Variants in TTC28 observed in about 807,000 individuals in gnomAD.
TTC28 encodes tetratricopeptide repeat protein 28.
TTC28 carries 61 observed loss-of-function variants against 198.0 expected under a neutral mutation model. That is an observed-to-expected ratio of 0.31 (90% confidence interval 0.25 to 0.38). TTC28 has a LOEUF of 0.38. Ranked by LOEUF, TTC28 falls within the 10% of genes least tolerant of loss-of-function variation. The pLI, the probability that TTC28 is intolerant of heterozygous loss-of-function variation, is 1.00. For missense variants in TTC28, 2,678 were observed against 3,164.0 expected, an observed-to-expected ratio of 0.85 and a Z score of 3.69; for synonymous variants, 1,171 against 1,297.8, an observed-to-expected ratio of 0.90 and a Z score of 2.10.
In TTC28 at chr22:28,108,028, G is replaced by A; in HGVS notation, c.1817C>T (p.Ser606Phe). The A allele has an allele frequency of 1.3e-6, 2 of 1,551,618 alleles. No individual in the cohort carries two copies. Among genetic ancestry groups the A allele is most frequent in the Non-Finnish European group, 1.7e-6 (2 of 1,146,986 alleles). ...GGCAGCCTGGACATACTCTCCCCGA[G>A]AGCAGTGGAAATTGCCCAGGTTGCT... ...ALSNLGNFHC[S>F]RGEYVQAAPY... The change falls in exon 7 of 23, where the codon TCT (serine) becomes TTT (phenylalanine). Residue 606 changes from serine (S) to phenylalanine (F), a missense_variant. Ser to Phe is a radical substitution (Grantham distance 155). This residue lies in a region of TTC28 where 775 missense variants were observed against 845.9 expected (regional missense o/e 0.92). Coordinates refer to ENST00000397906, the MANE Select transcript of TTC28 (RefSeq NM_001145418.2).
At chr22:28,401,786 A>T (rs533656799) in intron 2 of TTC28, among the ~76,000 whole-genome samples, 10 of 152,324 alleles carry the variant, frequency 6.6e-5, no homozygotes, top group Non-Finnish European at 1.5e-4. Flanking sequence ...AAAAATTTTT[A>T]AATAGAAAAA....
At chr22:28,561,601 C>T (rs2049882268) in intron 2 of TTC28, among the ~76,000 whole-genome samples, 1 of 152,146 alleles carries the variant, frequency 6.6e-6, no homozygotes, top group Non-Finnish European at 1.5e-5. Flanking sequence ...AAAAACACCT[C>T]AACAGTTCCC....
At position 28,005,523 on chromosome 22, in the gene TTC28, CTG is replaced by C. The variant is rs990463240; in HGVS notation, c.4219-3972_4219-3971del. Among the ~76,000 whole-genome samples, 3 of 152,202 alleles carry C rather than the reference CTG, an allele frequency of 2.0e-5. No homozygotes were observed. Among genetic ancestry groups the C allele is most frequent in the African/African-American group, 7.2e-5 (3 of 41,442 alleles). ...CTCCCACGATATGCAGGGTGCTGAG[CTG>C]TGTCAGTGGAGTGCACTAAGGGGCA... On this transcript the variant is annotated intron_variant, in intron 14 of 22. Transcript: ENST00000397906. The surrounding 1 kb of genome is among the most constrained non-coding windows in gnomAD (Gnocchi z 4.9).
intron 5 of TTC28, among the ~76,000 whole-genome samples, chr22:28,226,919 T>A (rs1928384439): frequency 6.6e-6 from 1 of 152,026 alleles, no homozygotes; most frequent in African/African-American, 2.4e-5. Context: ...ATTCAGGTCA[T>A]CTGTTTATTT....
At chr22:28,323,648 A>G (rs141100940) in intron 2 of TTC28, among the ~76,000 whole-genome samples, 98 of 152,318 alleles carry the variant, frequency 6.4e-4, no homozygotes, top group Non-Finnish European at 1.0e-4. Context: ...GAAAAATCTA[A>G]GAGTTATTAG....
chr22:28,154,008 CAG>C (rs149221703), intron 6 of TTC28, among the ~76,000 whole-genome samples: 359 of 148,718 alleles, frequency 2.4e-3, no homozygotes, highest in Admixed American at 2.6e-3. Flanking sequence ...TCACCTTCAT[CAG>C]AGAGAGAGAG....
chr22:28,071,622 T>C (rs1216918423), intron 12 of TTC28, among the ~76,000 whole-genome samples: 1 of 146,704 alleles, frequency 6.8e-6, no homozygotes, highest in Non-Finnish European at 1.5e-5. Context: ...TTGGGAGATA[T>C]ACCTAAGGCT....
At position 28,201,718 on chromosome 22, in the gene TTC28, A is replaced by T. The variant is rs1007079002; in HGVS notation, c.934-38119T>A. On this transcript the variant is annotated intron_variant, in intron 5 of 22. Transcript: ENST00000397906. The stretch of plus-strand genomic sequence containing the variant: ...AGCAAGGAAAAAAGAGTGTGGTCTA[A>T]TTTGGGTTTGTGAAAGATCTGATTA... Among the ~76,000 whole-genome samples the T allele has an allele frequency of 4.8e-5, 7 of 144,634 alleles. No individual in the cohort carries two copies. In the Admixed American group the frequency reaches 5.0e-4, roughly 10 times the overall value. The allele number at this position is 144,634 out of a possible 152,430, so 94.9% of individuals were successfully genotyped here. A position where few individuals can be genotyped will look rare whatever the true frequency, so the allele number is the denominator to read the frequency against.
At chr22:28,603,465 G>A (rs936302663) in intron 2 of TTC28, among the ~76,000 whole-genome samples, 1 of 151,620 alleles carries the variant, frequency 6.6e-6, no homozygotes, top group Non-Finnish European at 1.5e-5. Flanking sequence ...ATGGCTCACT[G>A]CAACTTCGGA....
At chr22:28,418,066 GA>G (rs1188295787) in intron 2 of TTC28, among the ~76,000 whole-genome samples, 4 of 152,188 alleles carry the variant, frequency 2.6e-5, no homozygotes, top group Non-Finnish European at 5.9e-5. Flanking sequence ...AATCTCTCAA[GA>G]TTTAAGCAAA....
At chr22:28,031,685 A>T (rs892554060) in intron 12 of TTC28, among the ~76,000 whole-genome samples, 11 of 152,194 alleles carry the variant, frequency 7.2e-5, no homozygotes, top group African/African-American at 2.4e-4. Flanking sequence ...TGCAAACTTG[A>T]ATGCTCTATG....
At chr22:28,622,596 G>A (rs955059972) in intron 2 of TTC28, among the ~76,000 whole-genome samples, 12 of 152,122 alleles carry the variant, frequency 7.9e-5, no homozygotes, top group East Asian at 1.9e-4. Flanking sequence ...AATGGTAGAC[G>A]CAAAGTTAAA....
At chr22:28,249,982 T>C (rs1202887916) in intron 5 of TTC28, among the ~76,000 whole-genome samples, 1 of 152,138 alleles carries the variant, frequency 6.6e-6, no homozygotes, top group Non-Finnish European at 1.5e-5. Flanking sequence ...CTCAGCTACT[T>C]ACATATAAAA....
intron 2 of TTC28, among the ~76,000 whole-genome samples, chr22:28,361,524 G>T (rs769570528): frequency 6.6e-6 from 1 of 152,074 alleles, no homozygotes; most frequent in Non-Finnish European, 1.5e-5. Context: ...GCAGAGGCTG[G>T]TTTATGAGGT....
intron 5 of TTC28, among the ~76,000 whole-genome samples, chr22:28,233,848 G>A (rs1227374976): frequency 1.5e-4 from 22 of 151,232 alleles, no homozygotes; most frequent in Admixed American, 1.1e-3. Flanking sequence ...GGGTTCAAGC[G>A]ATTCTCCAGC....
intron 5 of TTC28, among the ~76,000 whole-genome samples, chr22:28,257,885 C>T (rs1020312524): frequency 1.3e-5 from 2 of 151,134 alleles, no homozygotes; most frequent in Non-Finnish European, 3.0e-5. Flanking sequence ...CTAAGCCCTT[C>T]AAGCAAATCT....
chr22:28,064,889 TTTTTTTCTTTTGAAGC>T (rs1307438458), intron 12 of TTC28, among the ~76,000 whole-genome samples: 2 of 152,180 alleles, frequency 1.3e-5, no homozygotes, highest in African/African-American at 4.8e-5. Flanking sequence ...CTGTTCAGCA[TTTTTTTCTTTTGAAGC>T]TTTGAATTTC....
At chr22:28,657,226 T>C (rs1477999276) in intron 1 of TTC28, among the ~76,000 whole-genome samples, 1 of 152,208 alleles carries the variant, frequency 6.6e-6, no homozygotes, top group Non-Finnish European at 1.5e-5. Flanking sequence ...CCAGAGTCCA[T>C]GATTTTGACC....
chr22:28,252,084 T>C (rs1292057546), intron 5 of TTC28, among the ~76,000 whole-genome samples: 1 of 152,214 alleles, frequency 6.6e-6, no homozygotes, highest in East Asian at 1.9e-4. Context: ...GGTAACATGC[T>C]ATAACTGCCT....
Sources: allele counts gnomAD v4.1 joint callset (sites outside exome capture counted in the v4.1 genomes callset), GRCh38; gene constraint gnomAD v4.1.1; regional missense constraint gnomAD v4.1.1; non-coding constraint Gnocchi (gnomAD v3.1); transcripts MANE v1.5; gene names NCBI Gene and HGNC (gene_info 2026-07-23, HGNC 2026-07-21).